SAMD5: variants seen among roughly 807,000 people sequenced by gnomAD.
The protein encoded by SAMD5 is sterile alpha motif domain containing 5.
In SAMD5, 13 loss-of-function variants were observed where a neutral mutation model predicts 11.3. The observed-to-expected ratio is 1.15, with a 90% CI of 0.75 to 1.83. The LOEUF (loss-of-function observed/expected upper bound fraction) is 1.83. SAMD5 is among the 40% of genes most tolerant of loss of function. The probability of loss-of-function intolerance (pLI) is 0.00; values close to 1 mark genes in which losing one functional copy is unlikely to be tolerated. For missense variants in SAMD5, 255 were observed against 239.1 expected, an observed-to-expected ratio of 1.07 and a Z score of -0.44; for synonymous variants, 129 against 111.3, an observed-to-expected ratio of 1.16 and a Z score of -1.00.
the SAMD5 span, among the ~76,000 whole-genome samples, chr6:147,867,349 A>G: frequency 6.7e-6 from 1 of 149,964 alleles, no homozygotes; most frequent in African/African-American, 2.5e-5. Flanking sequence ...CCACCTGTGA[A>G]TATATGGAGA....
chr6:147,790,184 G>C, the SAMD5 span, among the ~76,000 whole-genome samples: 1 of 152,202 alleles, frequency 6.6e-6, no homozygotes, highest in Non-Finnish European at 1.5e-5. Context: ...TTCAGTAGAT[G>C]AATGTGTAAA....
chr6:147,667,249 G>GT (rs1169141005), intron 1 of SAMD5, among the ~76,000 whole-genome samples: 1 of 151,982 alleles, frequency 6.6e-6, no homozygotes, highest in Non-Finnish European at 1.5e-5. Context: ...CACTTATTAG[G>GT]TAAGGTGTTA....
intron 1 of SAMD5, among the ~76,000 whole-genome samples, chr6:147,621,785 G>A (rs12662594): frequency 0.43 from 65,858 of 151,930 alleles, 14,957 homozygotes; most frequent in East Asian, 0.58. Context: ...TTTTTGGACC[G>A]TGAAGGGGAG....
intron 1 of SAMD5, among the ~76,000 whole-genome samples, chr6:147,647,978 G>A (rs1790430279): frequency 6.6e-6 from 1 of 152,216 alleles, no homozygotes; most frequent in Non-Finnish European, 1.5e-5. Flanking sequence ...TTACGTGACA[G>A]AATTTGAACC....
intron 1 of SAMD5, among the ~76,000 whole-genome samples, chr6:147,620,962 C>CTGTGTGTGTGTGTGTGTGTG (rs78040354): frequency 1.4e-4 from 18 of 128,450 alleles, no homozygotes; most frequent in African/African-American, 4.8e-4. Flanking sequence ...GTATGTGCCT[C>CTGTGTGTGTGTGTGTGTGTG]TGTGTGTGTG....
chr6:147,708,706 A>C (rs187283207), intron 1 of SAMD5, among the ~76,000 whole-genome samples: 2 of 152,338 alleles, frequency 1.3e-5, no homozygotes, highest in East Asian at 3.9e-4. Flanking sequence ...CAAACATAAG[A>C]GCATTTATGG....
intron 1 of SAMD5, among the ~76,000 whole-genome samples, chr6:147,690,556 C>G (rs942944671): frequency 6.6e-6 from 1 of 151,966 alleles, no homozygotes; most frequent in African/African-American, 2.4e-5. Context: ...GGCAGAGGCA[C>G]GAGAATCACT....
At chr6:147,952,081 C>A in the SAMD5 span, among the ~76,000 whole-genome samples, 1 of 152,128 alleles carries the variant, frequency 6.6e-6, no homozygotes, top group African/African-American at 2.4e-5. Flanking sequence ...GAAGTTCTTT[C>A]AGTTTTTATT....
At chr6:147,903,081 C>T in the SAMD5 span, among the ~76,000 whole-genome samples, 2 of 152,180 alleles carry the variant, frequency 1.3e-5, no homozygotes, top group Admixed American at 6.5e-5. Flanking sequence ...TAATTATTTC[C>T]TCTATGAGGT....
chr6:147,768,130 C>T, the SAMD5 span, among the ~76,000 whole-genome samples: 1 of 152,266 alleles, frequency 6.6e-6, no homozygotes, highest in South Asian at 2.1e-4. Flanking sequence ...AATATAATGC[C>T]ATTTTTGGTG....
At chr6:147,555,963 A>T (rs1293460696) in intron 1 of SAMD5, among the ~76,000 whole-genome samples, 2 of 152,194 alleles carry the variant, frequency 1.3e-5, no homozygotes, top group Non-Finnish European at 2.9e-5. Flanking sequence ...GAATATAGAG[A>T]GATATAAAGA....
At chr6:147,829,571 A>T in the SAMD5 span, among the ~76,000 whole-genome samples, 1 of 152,170 alleles carries the variant, frequency 6.6e-6, no homozygotes, top group Admixed American at 6.5e-5. Context: ...ACATACATGA[A>T]TATATTTATA....
At chr6:147,759,718 A>G in the SAMD5 span, among the ~76,000 whole-genome samples, 131 of 152,248 alleles carry the variant, frequency 8.6e-4, no homozygotes, top group Non-Finnish European at 1.6e-3. Flanking sequence ...TCTGCAGTCA[A>G]TGAAGTGAAG....
intron 1 of SAMD5, among the ~76,000 whole-genome samples, chr6:147,629,457 G>A (rs894112694): frequency 6.6e-6 from 1 of 152,276 alleles, no homozygotes; most frequent in Middle Eastern, 3.4e-3. Flanking sequence ...TGGATGAAAA[G>A]CCCATATTTA....
the SAMD5 span, among the ~76,000 whole-genome samples, chr6:147,784,522 C>T: frequency 6.6e-6 from 1 of 152,162 alleles, no homozygotes; most frequent in Non-Finnish European, 1.5e-5. Flanking sequence ...TGTTTACTGC[C>T]AGACCCTACT....
the SAMD5 span, among the ~76,000 whole-genome samples, chr6:147,940,397 A>T: frequency 5.9e-5 from 9 of 152,244 alleles, no homozygotes; most frequent in East Asian, 1.7e-3. Flanking sequence ...GAGCACCAGG[A>T]GTTGAAGCCA....
intron 1 of SAMD5, among the ~76,000 whole-genome samples, chr6:147,703,369 G>A (rs1791281955): frequency 6.6e-6 from 1 of 152,154 alleles, no homozygotes; most frequent in Non-Finnish European, 1.5e-5. Flanking sequence ...ACCATGCCCG[G>A]CTACTCACTT....
the SAMD5 span, among the ~76,000 whole-genome samples, chr6:147,873,318 A>G: frequency 6.6e-6 from 1 of 151,886 alleles, no homozygotes; most frequent in Admixed American, 6.6e-5. Context: ...CAGAGGTTGT[A>G]GTGAGCCAAG....
the SAMD5 span, among the ~76,000 whole-genome samples, chr6:147,909,944 T>A: frequency 6.6e-6 from 1 of 152,088 alleles, no homozygotes; most frequent in Non-Finnish European, 1.5e-5. Context: ...GAGCATGATG[T>A]TATGAGGCTT....
Sources: gnomAD v4.1 joint callset for allele counts (sites outside exome capture counted in the v4.1 genomes callset) on GRCh38, gnomAD v4.1.1 for gene constraint, MANE v1.5 for transcripts, NCBI Gene and HGNC (gene_info 2026-07-23, HGNC 2026-07-21) for gene names.